SYBU: variants seen among roughly 807,000 people sequenced by gnomAD.
SYBU encodes syntabulin, also known as GOLSYN A protein.
In SYBU, 21 loss-of-function variants were observed where a neutral mutation model predicts 35.9. That is an observed-to-expected ratio of 0.58 (90% CI 0.41 to 0.84). The LOEUF (loss-of-function observed/expected upper bound fraction) is 0.84. SYBU is among the 40% of genes least tolerant of loss of function. SYBU has a pLI of 0.00. For missense variants in SYBU, 768 were observed against 848.2 expected (o/e 0.91, Z 1.17); for synonymous variants, 319 against 324.3 (o/e 0.98, Z 0.18).
intron 3 of SYBU, among the ~76,000 whole-genome samples, chr8:109,599,166 A>C (rs1825223981): frequency 6.6e-6 from 1 of 152,246 alleles, no homozygotes; most frequent in Admixed American, 6.5e-5. Context: ...CCCCCACCAG[A>C]GAGCAAACAA....
At chr8:109,616,711 TC>T (rs1315985158) in intron 3 of SYBU, among the ~76,000 whole-genome samples, 14 of 149,750 alleles carry the variant, frequency 9.3e-5, no homozygotes, top group African/African-American at 3.4e-4. Flanking sequence ...TTTTTTTTTT[TC>T]AATCTATGAA....
intron 1 of SYBU, among the ~76,000 whole-genome samples, chr8:109,665,621 T>C (rs1816725840): frequency 6.6e-6 from 1 of 152,234 alleles, no homozygotes; most frequent in African/African-American, 2.4e-5. Flanking sequence ...TGAATGACCA[T>C]GAAGCTCTCT....
rs529829695 is a variant in SYBU at position 109,665,543 on chromosome 8, A to C, written c.-129+15168T>G. On this transcript the variant is annotated intron_variant, in intron 1 of 5. Coordinates refer to the SYBU transcript ENST00000408889. Reference sequence around the variant, plus strand: ...TTTCCATTTTTTTGGTTGGATTAAAAATAGGCAAATTATAGGGTAAAGGTG... The same window carrying C: ...TTTCCATTTTTTTGGTTGGATTAAACATAGGCAAATTATAGGGTAAAGGTG... Among the ~76,000 whole-genome samples, 3 of 152,350 alleles carry C rather than the reference A, an allele frequency of 2.0e-5. No individual in the cohort carries two copies. In the South Asian group the frequency reaches 6.2e-4, roughly 32 times the overall value.
chr8:109,612,760 A>G (rs1811316981), intron 3 of SYBU, among the ~76,000 whole-genome samples: 1 of 152,188 alleles, frequency 6.6e-6, no homozygotes, highest in Non-Finnish European at 1.5e-5. Context: ...CGGGCAGATC[A>G]CCTGAGGTCT....
At chr8:109,611,374 T>A (rs1406496913) in intron 3 of SYBU, among the ~76,000 whole-genome samples, 1 of 152,162 alleles carries the variant, frequency 6.6e-6, no homozygotes, top group Non-Finnish European at 1.5e-5. Context: ...ATTACATCAA[T>A]TGGGTGCATC....
In SYBU at chr8:109,574,553, A is replaced by C. The variant is rs1274079457; in HGVS notation, c.*353T>G. The C allele has an allele frequency of 5.0e-6, 1 of 198,950 alleles. No homozygotes were observed. Among genetic ancestry groups the C allele is most frequent in the Non-Finnish European group, 1.0e-5 (1 of 98,786 alleles). 12.3% of individuals were successfully genotyped at this position (198,950 alleles called of 1,614,324 possible). On this transcript the variant is annotated 3_prime_UTR_variant, in exon 7 of 7. Transcript: ENST00000276646. ...CAATTACACATTTTAAAACGGCAAA[A>C]AGCAAAGCAAGGAGATAACATGCCA...
chr8:109,679,814 T>A (rs1817336497), intron 1 of SYBU, among the ~76,000 whole-genome samples: 2 of 152,204 alleles, frequency 1.3e-5, no homozygotes, highest in Non-Finnish European at 2.9e-5. Context: ...TTTCCCCTCT[T>A]GCTGAGGTGG....
At chr8:109,635,180 C>A (rs1196958460) in intron 2 of SYBU, among the ~76,000 whole-genome samples, 1 of 152,244 alleles carries the variant, frequency 6.6e-6, no homozygotes, top group Non-Finnish European at 1.5e-5. Flanking sequence ...ATTGTTTCTG[C>A]TGCAGCTGTT....
At chr8:109,619,750 C>T (rs1033923213) in intron 2 of SYBU, among the ~76,000 whole-genome samples, 1 of 152,058 alleles carries the variant, frequency 6.6e-6, no homozygotes, top group African/African-American at 2.4e-5. Context: ...TATTATTGAC[C>T]ACATCCAGTT....
At chr8:109,650,904 T>C (rs945434484) in intron 1 of SYBU, among the ~76,000 whole-genome samples, 11 of 152,346 alleles carry the variant, frequency 7.2e-5, no homozygotes, top group South Asian at 2.1e-4. Flanking sequence ...TAACATCAAT[T>C]ATCCCTATTC....
intron 2 of SYBU, among the ~76,000 whole-genome samples, chr8:109,621,540 G>T (rs919435031): frequency 1.3e-5 from 2 of 152,086 alleles, no homozygotes; most frequent in Admixed American, 6.6e-5. Context: ...GGTGTGTGTT[G>T]GGGGGGCAAT....
chr8:109,620,776 GCT>G (rs1460709327), intron 2 of SYBU, among the ~76,000 whole-genome samples: 1 of 152,100 alleles, frequency 6.6e-6, no homozygotes, highest in Non-Finnish European at 1.5e-5. Flanking sequence ...CTGTTGCTCA[GCT>G]CTTTCATCAT....
intron 1 of SYBU, among the ~76,000 whole-genome samples, chr8:109,669,430 C>T (rs547300260): frequency 6.8e-6 from 1 of 147,204 alleles, no homozygotes; most frequent in African/African-American, 2.5e-5. Context: ...TAAAATCTGA[C>T]TGAATAGATT....
intron 1 of SYBU, among the ~76,000 whole-genome samples, chr8:109,650,747 C>T (rs1816096766): frequency 6.6e-6 from 1 of 152,062 alleles, no homozygotes; most frequent in African/African-American, 2.4e-5. Flanking sequence ...GTTTCATCTG[C>T]CCATGTGTCC....
chr8:109,592,312 CTGTG>C (rs935492297), intron 3 of SYBU, among the ~76,000 whole-genome samples: 1 of 151,224 alleles, frequency 6.6e-6, no homozygotes, highest in African/African-American at 2.4e-5. Context: ...AATTCTCTTT[CTGTG>C]TGTGTGTGTG....
intron 1 of SYBU, among the ~76,000 whole-genome samples, chr8:109,655,351 T>A (rs1434322632): frequency 2.0e-5 from 3 of 152,198 alleles, no homozygotes; most frequent in Non-Finnish European, 4.4e-5. Flanking sequence ...GGAACTATAA[T>A]GGAAAGATAA....
In SYBU at chr8:109,608,253, T is replaced by C. The variant is rs188345292; in HGVS notation, c.427+10589A>G. Among the ~76,000 whole-genome samples, 14 of 152,264 alleles carry C rather than the reference T, an allele frequency of 9.2e-5. No individual in the cohort carries two copies. The East Asian group carries it at 2.7e-3, about 29-fold the overall frequency. ...GAAATACCAAATTGTCAAATAGAAG[T>C]AAATGCCTACACAACAGTCAAGATG... On this transcript the variant is annotated intron_variant, in intron 3 of 6. Transcript: ENST00000276646.
intron 3 of SYBU, among the ~76,000 whole-genome samples, chr8:109,607,737 T>C (rs561329097): frequency 1.3e-5 from 2 of 151,728 alleles, no homozygotes; most frequent in South Asian, 4.1e-4. Flanking sequence ...TATAAGACCA[T>C]GCATTCAGAG....
At chr8:109,678,154 AAAAAAG>A (rs71305970) in intron 1 of SYBU, among the ~76,000 whole-genome samples, 8,985 of 144,858 alleles carry the variant, frequency 0.062, 301 homozygotes, top group East Asian at 0.083. Context: ...AAAAAAAAAA[AAAAAAG>A]GAAAAGGAAA....
Sources: gnomAD v4.1 joint callset for allele counts (sites outside exome capture counted in the v4.1 genomes callset) on GRCh38, gnomAD v4.1.1 for gene constraint, MANE v1.5 for transcripts, NCBI Gene and HGNC (gene_info 2026-07-23, HGNC 2026-07-21) for gene names.